Variants in INO80 observed in about 807,000 individuals in gnomAD.
INO80 encodes the protein chromatin-remodeling ATPase INO80.
INO80 carries 20 observed loss-of-function variants against 203.4 expected under a neutral mutation model. The ratio of observed to expected loss-of-function variants is 0.10; its 90% CI spans 0.07 to 0.14. The LOEUF (loss-of-function observed/expected upper bound fraction) is 0.14, where lower values mean the gene tolerates loss of function less well. Among genes scored for constraint, INO80 ranks in the 10% least tolerant of loss-of-function variants. The probability of loss-of-function intolerance (pLI) is 1.00; values close to 1 mark genes in which losing one functional copy is unlikely to be tolerated. For missense variants in INO80, 1,419 were observed against 1,914.4 expected, an observed-to-expected ratio of 0.74 and a Z score of 4.83; for synonymous variants, 726 against 685.2, an observed-to-expected ratio of 1.06 and a Z score of -0.93.
intron 27 of INO80, among the ~76,000 whole-genome samples, chr15:41,010,575 C>T (rs562423700): frequency 1.3e-5 from 2 of 152,066 alleles, no homozygotes; most frequent in Non-Finnish European, 2.9e-5. Flanking sequence ...CTTAACCCTC[C>T]TACTGTTTCC....
At chr15:41,057,764 A>C (rs7179681) in intron 16 of INO80, among the ~76,000 whole-genome samples, 1 of 141,182 alleles carries the variant, frequency 7.1e-6, no homozygotes, top group Non-Finnish European at 1.5e-5. Flanking sequence ...GCCACTGCAC[A>C]CCAGCCTGGG....
chr15:40,995,934 C>T (rs149015211), intron 29 of INO80, among the ~76,000 whole-genome samples: 76 of 152,284 alleles, frequency 5.0e-4, no homozygotes, highest in African/African-American at 1.8e-3. Flanking sequence ...TCCAGTGGCC[C>T]TCAGGCGCTG....
chr15:41,094,210 C>T (rs1284167166), intron 4 of INO80, among the ~76,000 whole-genome samples: 6 of 152,174 alleles, frequency 3.9e-5, no homozygotes, highest in Non-Finnish European at 8.8e-5. Context: ...CTTATGCCTA[C>T]GACAGTAAAA....
chr15:41,046,675 T>C (rs1284558378), intron 23 of INO80, among the ~76,000 whole-genome samples: 2 of 152,048 alleles, frequency 1.3e-5, no homozygotes, highest in African/African-American at 4.8e-5. Flanking sequence ...GGGAGCGCAG[T>C]GGAGCGATCT....
At chr15:41,111,685 C>A (rs745386843) in intron 1 of INO80, among the ~76,000 whole-genome samples, 19 of 151,790 alleles carry the variant, frequency 1.3e-4, no homozygotes, top group Non-Finnish European at 2.4e-4. Flanking sequence ...CGCCTGTAAT[C>A]CTAGCTACTC....
intron 1 of INO80, among the ~76,000 whole-genome samples, chr15:41,107,945 C>T (rs1000254530): frequency 1.3e-5 from 2 of 151,554 alleles, no homozygotes; most frequent in African/African-American, 4.9e-5. Context: ...ACTAAAAATA[C>T]AAAAATTAGC....
intron 19 of INO80, among the ~76,000 whole-genome samples, chr15:41,051,965 T>A (rs184910114): frequency 6.6e-6 from 1 of 151,318 alleles, no homozygotes; most frequent in Non-Finnish European, 1.5e-5. Context: ...CTCAAAAAAA[T>A]AAAAAATAAA....
intron 28 of INO80, among the ~76,000 whole-genome samples, chr15:40,998,730 T>A (rs1384824353): frequency 2.0e-5 from 3 of 151,918 alleles, no homozygotes; most frequent in Non-Finnish European, 4.4e-5. Context: ...CTCGGCTCAC[T>A]GCAACCTCCA....
chr15:41,055,164 T>G (rs1019573898), intron 18 of INO80, 83 bp downstream of exon 18: 6 of 719,714 alleles, frequency 8.3e-6, no homozygotes, highest in African/African-American at 1.8e-5. Context: ...GGAAGAAAAA[T>G]TATTCAAATA....
Position 41,095,787 on chromosome 15 carries a change from T to G in INO80, c.285A>C (p.Thr95=), listed in dbSNP as rs746292595. Residue 95 remains threonine, a synonymous_variant, in exon 3 of 36, where the codon ACA becomes ACC. Coordinates refer to ENST00000648947, the MANE Select transcript of INO80 (RefSeq NM_017553.3). ...SGAGSSGMLN[T]YSLNGVLQSE... ...ACTGTAGAACTCCATTCAGAGAATA[T>G]GTGTTTAACATTCCAGAACTGCCTG... 1 of 1,614,152 alleles carries G rather than the reference T, an allele frequency of 6.2e-7. No homozygotes were observed.
intron 4 of INO80, among the ~76,000 whole-genome samples, chr15:41,094,498 T>C (rs1566946880): frequency 6.6e-6 from 1 of 152,232 alleles, no homozygotes; most frequent in Non-Finnish European, 1.5e-5. Flanking sequence ...GCTTACTAAC[T>C]GCCTGCCTCC....
At chr15:41,076,302 G>A (rs2140612009) in intron 9 of INO80, among the ~76,000 whole-genome samples, 1 of 152,152 alleles carries the variant, frequency 6.6e-6, no homozygotes, top group Middle Eastern at 3.4e-3. Context: ...AAAGGTTGCA[G>A]TGAGCCGAGG....
intron 24 of INO80, among the ~76,000 whole-genome samples, chr15:41,043,964 C>T (rs566475622): frequency 1.4e-4 from 22 of 152,186 alleles, no homozygotes; most frequent in Non-Finnish European, 2.2e-4. Flanking sequence ...TGCCACTACA[C>T]ATTCACAAAA....
chr15:41,079,789 T>C lies in INO80; in HGVS notation c.1043A>G (p.Lys348Arg), dbSNP rs770006817. 1 of 1,614,164 alleles carries C rather than the reference T, an allele frequency of 6.2e-7. No homozygotes were observed. Among genetic ancestry groups the C allele is most frequent in the Non-Finnish European group, 8.5e-7 (1 of 1,180,026 alleles). ...RLTKEMLLYW[K>R]KYEKVEKEHR... ...CTCCTTCTCTACTTTCTCATATTTC[T>C]TCCAGTACAGAAGCATCTCCTTGGT... The change falls in exon 9 of 36, where the codon AAG (lysine) becomes AGG (arginine). Residue 348 changes from lysine (K) to arginine (R), a missense_variant. Lys to Arg is a conservative substitution (Grantham distance 26). Transcript: ENST00000648947.
At chr15:41,059,121 TTTTTA>T (rs551744270) in intron 15 of INO80, among the ~76,000 whole-genome samples, 4 of 151,744 alleles carry the variant, frequency 2.6e-5, no homozygotes, top group Non-Finnish European at 4.4e-5. Flanking sequence ...CCGGCTAATT[TTTTTA>T]TTTTATTTTA....
At chr15:40,987,001 C>A (rs748186286) in intron 31 of INO80, 90 bp downstream of exon 31, 10 of 689,350 alleles carry the variant, frequency 1.5e-5, no homozygotes, top group Admixed American at 4.8e-5. Flanking sequence ...TAAATACAGC[C>A]TCTGGCTTTG....
At chr15:41,095,969 A>G in intron 2 of INO80, 41 bp from the exon 3 acceptor site, 3 of 1,563,146 alleles carry the variant, frequency 1.9e-6, no homozygotes, top group Non-Finnish European at 1.7e-6. Flanking sequence ...AGCTGACCCA[A>G]TAAAATATAA....
intron 29 of INO80, among the ~76,000 whole-genome samples, chr15:40,992,963 A>T (rs995508219): frequency 6.6e-5 from 10 of 152,058 alleles, no homozygotes; most frequent in African/African-American, 2.4e-4. Flanking sequence ...TGACTAATTT[A>T]AAAAACTTTT....
intron 7 of INO80, among the ~76,000 whole-genome samples, chr15:41,084,005 T>C (rs2045523279): frequency 6.6e-6 from 1 of 152,162 alleles, no homozygotes; most frequent in African/African-American, 2.4e-5. Context: ...TCTGACTTCA[T>C]CACATGGACT....
Sources: allele counts gnomAD v4.1 joint callset (sites outside exome capture counted in the v4.1 genomes callset), GRCh38; gene constraint gnomAD v4.1.1; transcripts MANE v1.5; gene names NCBI Gene and HGNC (gene_info 2026-07-23, HGNC 2026-07-21).